The following KCNAB1 variants were observed in gnomAD, a reference collection of about 807,000 sequenced individuals.
KCNAB1 encodes voltage-gated potassium channel subunit beta-1.
KCNAB1 carries 35 observed loss-of-function variants against 64.6 expected under a neutral mutation model. That is an observed-to-expected ratio of 0.54 (90% CI 0.41 to 0.72). The LOEUF (loss-of-function observed/expected upper bound fraction) is 0.72. Ranked by LOEUF, KCNAB1 falls within the 30% of genes least tolerant of loss-of-function variation. The probability of loss-of-function intolerance (pLI) is 0.00; values close to 1 mark genes in which losing one functional copy is unlikely to be tolerated. For missense variants in KCNAB1, 401 were observed against 512.9 expected (o/e 0.78, Z 2.11); for synonymous variants, 177 against 183.8 (o/e 0.96, Z 0.30).
chr3:156,184,070 T>G (rs1713037103), intron 1 of KCNAB1, among the ~76,000 whole-genome samples: 1 of 152,234 alleles, frequency 6.6e-6, no homozygotes, highest in African/African-American at 2.4e-5. Flanking sequence ...GTAAATGCTG[T>G]TAGCTATTAT....
At chr3:156,268,130 T>C (rs1181428340) in intron 1 of KCNAB1, among the ~76,000 whole-genome samples, 1 of 151,772 alleles carries the variant, frequency 6.6e-6, no homozygotes, top group South Asian at 2.1e-4. Context: ...AATGAGAACA[T>C]GCAAAGTTTT....
intron 1 of KCNAB1, among the ~76,000 whole-genome samples, chr3:156,367,782 T>A (rs528829593): frequency 7.0e-4 from 106 of 152,336 alleles, no homozygotes; most frequent in African/African-American, 2.4e-3. Context: ...GCAAAGGAAC[T>A]CTGTCACAAA....
Position 156,287,326 on chromosome 3 carries a change from G to A in KCNAB1, c.276-134290G>A, listed in dbSNP as rs80242303. Among the ~76,000 whole-genome samples the A allele has an allele frequency of 7.4e-3, 1,074 of 144,388 alleles. 9 individuals carry two copies. The highest frequency in any genetic ancestry group is 0.027 in the African/African-American group (1,025 of 38,340). The allele number at this position is 144,388 out of a possible 152,430, so 94.7% of individuals were successfully genotyped here. On this transcript the variant is annotated intron_variant, in intron 1 of 13. Transcript: ENST00000490337. Reference sequence around the variant, plus strand: ...TAGGAGTAAGTCATTATTTGGCCCCGTGCAATGTTGCAACCTCCGTATCAA... The same window carrying A: ...TAGGAGTAAGTCATTATTTGGCCCCATGCAATGTTGCAACCTCCGTATCAA...
chr3:156,434,444 G>A (rs1267625758), intron 2 of KCNAB1, among the ~76,000 whole-genome samples: 1 of 152,152 alleles, frequency 6.6e-6, no homozygotes, highest in Non-Finnish European at 1.5e-5. Context: ...AGGGCAGTAA[G>A]GTAAATGAGG....
At chr3:156,275,933 G>A (rs1179463280) in intron 1 of KCNAB1, among the ~76,000 whole-genome samples, 3 of 151,100 alleles carry the variant, frequency 2.0e-5, no homozygotes, top group African/African-American at 4.9e-5. Context: ...AATCACAAAT[G>A]TTCTTAATGG....
chr3:156,124,751 T>C (rs1055095619), intron 1 of KCNAB1, among the ~76,000 whole-genome samples: 4 of 152,142 alleles, frequency 2.6e-5, no homozygotes, highest in African/African-American at 7.2e-5. Flanking sequence ...ATCTTTAACA[T>C]TGAGTTTTAT....
intron 8 of KCNAB1, among the ~76,000 whole-genome samples, chr3:156,498,595 G>T (rs759043525): frequency 1.3e-5 from 2 of 152,146 alleles, no homozygotes; most frequent in South Asian, 4.1e-4. Flanking sequence ...TTTGTAAATT[G>T]CCCAGTCTCA....
chr3:156,319,650 A>G (rs1458537292), intron 1 of KCNAB1, among the ~76,000 whole-genome samples: 3 of 152,022 alleles, frequency 2.0e-5, no homozygotes, highest in African/African-American at 7.3e-5. Context: ...AAAAGACACT[A>G]TTTTCCCTCA....
At chr3:156,333,343 T>C (rs7633315) in intron 1 of KCNAB1, among the ~76,000 whole-genome samples, 32,979 of 119,300 alleles carry the variant, frequency 0.28, 5,883 homozygotes, top group African/African-American at 0.58. Context: ...CACACACACA[T>C]ACACACACAC....
intron 2 of KCNAB1, among the ~76,000 whole-genome samples, chr3:156,431,489 G>A (rs1413688036): frequency 2.0e-5 from 3 of 152,182 alleles, no homozygotes; most frequent in Non-Finnish European, 4.4e-5. Flanking sequence ...GAGAGCACAG[G>A]GCTGCAGGCA....
intron 2 of KCNAB1, among the ~76,000 whole-genome samples, chr3:156,428,524 C>CACACAT (rs149571764): frequency 6.6e-6 from 1 of 151,636 alleles, no homozygotes; most frequent in African/African-American, 2.4e-5. Flanking sequence ...CACACACACA[C>CACACAT]ACACACACAC....
intron 3 of KCNAB1, among the ~76,000 whole-genome samples, chr3:156,454,523 C>A (rs1712246010): frequency 6.6e-6 from 1 of 152,172 alleles, no homozygotes. Flanking sequence ...GCATTCCTAG[C>A]AGCTCAGGGA....
At chr3:156,350,317 G>A (rs1349535371) in intron 1 of KCNAB1, among the ~76,000 whole-genome samples, 1 of 152,076 alleles carries the variant, frequency 6.6e-6, no homozygotes, top group Non-Finnish European at 1.5e-5. Flanking sequence ...TGGGAGACAG[G>A]GATAGGAGGG....
At chr3:156,303,206 A>G (rs1721274199) in intron 1 of KCNAB1, among the ~76,000 whole-genome samples, 1 of 152,154 alleles carries the variant, frequency 6.6e-6, no homozygotes, top group South Asian at 2.1e-4. Flanking sequence ...CTCTCTTATC[A>G]CTGCCTAGAA....
At chr3:156,283,434 A>G (rs1719874812) in intron 1 of KCNAB1, among the ~76,000 whole-genome samples, 1 of 149,258 alleles carries the variant, frequency 6.7e-6, no homozygotes, top group Non-Finnish European at 1.5e-5. Context: ...GAATCTGACA[A>G]TTATGTGTCT....
chr3:156,405,011 C>T (rs556584726), intron 1 of KCNAB1, among the ~76,000 whole-genome samples: 4 of 152,362 alleles, frequency 2.6e-5, no homozygotes, highest in Admixed American at 2.6e-4. Flanking sequence ...CTAGAAGGCT[C>T]AGCACCTAGT....
intron 1 of KCNAB1, among the ~76,000 whole-genome samples, chr3:156,182,695 A>ATTTTTTTTTTTTTTTT (rs10624040): frequency 9.3e-4 from 124 of 132,684 alleles, no homozygotes; most frequent in Non-Finnish European, 1.6e-3. Context: ...AAGTAAGACA[A>ATTTTTTTTTTTTTTTT]TTTTTTTTTT....
intron 1 of KCNAB1, among the ~76,000 whole-genome samples, chr3:156,204,694 G>A (rs1489316311): frequency 6.6e-6 from 1 of 152,090 alleles, no homozygotes; most frequent in Non-Finnish European, 1.5e-5. Context: ...TTAACTGGAT[G>A]TGGTGGCACA....
At chr3:156,176,843 C>T (rs559516786) in intron 1 of KCNAB1, 4 of 1,039,774 alleles carry the variant, frequency 3.8e-6, no homozygotes, top group African/African-American at 1.6e-5. Context: ...CCAACAGCAA[C>T]TCATGCCGCT....
Sources: allele counts gnomAD v4.1 joint callset (sites outside exome capture counted in the v4.1 genomes callset), GRCh38; gene constraint gnomAD v4.1.1; transcripts MANE v1.5; gene names NCBI Gene and HGNC (gene_info 2026-07-23, HGNC 2026-07-21).